Variants in RBFOX1 observed in about 807,000 individuals in gnomAD.
RBFOX1 encodes the protein RNA binding fox-1 homolog 1.
RBFOX1 carries 8 observed loss-of-function variants against 57.7 expected under a neutral mutation model. The ratio of observed to expected loss-of-function variants is 0.14; its 90% CI spans 0.08 to 0.25. RBFOX1 has a LOEUF of 0.25. Among genes scored for constraint, RBFOX1 ranks in the 10% least tolerant of loss-of-function variants. RBFOX1 has a pLI of 1.00. For synonymous variants in RBFOX1, 326 were observed against 222.4 expected (o/e 1.47, Z -4.15); for missense variants, 611 against 548.5 (o/e 1.11, Z -1.14).
intron 3 of RBFOX1, among the ~76,000 whole-genome samples, chr16:5,715,716 G>A (rs981132483): frequency 6.6e-6 from 1 of 152,204 alleles, no homozygotes; most frequent in African/African-American, 2.4e-5. Flanking sequence ...ATGTGCTGAG[G>A]TTGGGGGCAG....
At chr16:6,612,438 C>T (rs147773619) in intron 2 of RBFOX1, among the ~76,000 whole-genome samples, 89 of 152,220 alleles carry the variant, frequency 5.8e-4, no homozygotes, top group African/African-American at 1.8e-3. Context: ...TCTCTAATTA[C>T]GTATATTGAC....
chr16:5,928,700 TAAAA>T (rs760181311), intron 4 of RBFOX1, among the ~76,000 whole-genome samples: 9 of 105,824 alleles, frequency 8.5e-5, no homozygotes, highest in African/African-American at 7.3e-5. Context: ...TTCTGCCCAA[TAAAA>T]AAAAAAAAAA....
intron 3 of RBFOX1, among the ~76,000 whole-genome samples, chr16:5,619,452 A>G (rs2048139875): frequency 1.3e-5 from 2 of 152,138 alleles, no homozygotes; most frequent in Admixed American, 1.3e-4. Flanking sequence ...TTATGACCTC[A>G]TCTCTCGCCC....
intron 4 of RBFOX1, among the ~76,000 whole-genome samples, chr16:7,360,622 G>C (rs1410446029): frequency 6.6e-6 from 1 of 152,160 alleles, no homozygotes; most frequent in Non-Finnish European, 1.5e-5. Context: ...AAAGGCAAAG[G>C]AATTATCCCT....
At chr16:7,570,006 T>G (rs2092609256) in intron 5 of RBFOX1, among the ~76,000 whole-genome samples, 2 of 152,164 alleles carry the variant, frequency 1.3e-5, no homozygotes, top group African/African-American at 4.8e-5. Flanking sequence ...ATCAAGTATT[T>G]CCAATGACAA....
chr16:5,297,693 G>C (rs777577000), intron 1 of RBFOX1, among the ~76,000 whole-genome samples: 11 of 152,172 alleles, frequency 7.2e-5, no homozygotes, highest in Non-Finnish European at 1.3e-4. Context: ...CCCATAGGCT[G>C]TTTCTTCATT....
At chr16:6,824,435 C>T (rs76627137) in intron 3 of RBFOX1, among the ~76,000 whole-genome samples, 1 of 152,116 alleles carries the variant, frequency 6.6e-6, no homozygotes, top group East Asian at 1.9e-4. Context: ...ATCTTACTGT[C>T]AAGGCAACTC....
chr16:6,654,599 T>C lies in RBFOX1; in HGVS notation c.-63-4T>C. 4 of 1,506,620 alleles carry C rather than the reference T, an allele frequency of 2.7e-6. No individual in the cohort carries two copies. The highest frequency in any genetic ancestry group is 3.5e-6 in the Non-Finnish European group (4 of 1,135,520). The allele number at this position is 1,506,620 out of a possible 1,614,324, so 93.3% of individuals were successfully genotyped here. Reference sequence around the variant, plus strand: ...CACTTTCCTTTCTTTTCTTCTCTTCTCAGGATATCAAAGCAGACTGCAATA... The same window carrying C: ...CACTTTCCTTTCTTTTCTTCTCTTCCCAGGATATCAAAGCAGACTGCAATA... On this transcript the variant is annotated splice_polypyrimidine_tract_variant and splice_region_variant and intron_variant, in intron 2 of 15. Coordinates refer to ENST00000550418, the MANE Select transcript of RBFOX1 (RefSeq NM_018723.4).
At chr16:6,742,014 G>A (rs1368713765) in intron 3 of RBFOX1, among the ~76,000 whole-genome samples, 1 of 152,096 alleles carries the variant, frequency 6.6e-6, no homozygotes, top group Non-Finnish European at 1.5e-5. Context: ...AATTATAAGT[G>A]TGTGTGGTTC....
intron 3 of RBFOX1, among the ~76,000 whole-genome samples, chr16:6,834,607 G>C (rs1161604478): frequency 1.3e-5 from 2 of 152,132 alleles, no homozygotes; most frequent in Non-Finnish European, 2.9e-5. Context: ...GAAGGTGTTT[G>C]TTTGGGATGA....
chr16:6,382,190 A>C (rs1596381392), intron 2 of RBFOX1, among the ~76,000 whole-genome samples: 1 of 152,296 alleles, frequency 6.6e-6, no homozygotes, highest in Non-Finnish European at 1.5e-5. Flanking sequence ...CTTTTTCCCC[A>C]ACCATTTAAA....
chr16:7,451,510 C>T (rs1315801265), intron 4 of RBFOX1, among the ~76,000 whole-genome samples: 1 of 152,128 alleles, frequency 6.6e-6, no homozygotes, highest in Non-Finnish European at 1.5e-5. Context: ...CTTCATGTAT[C>T]AACTTATAAG....
At chr16:5,250,065 G>A (rs558985347) in intron 1 of RBFOX1, among the ~76,000 whole-genome samples, 3 of 151,686 alleles carry the variant, frequency 2.0e-5, no homozygotes, top group Admixed American at 2.0e-4. Flanking sequence ...TGAGGAGGAG[G>A]TTGCAGTGAG....
intron 4 of RBFOX1, among the ~76,000 whole-genome samples, chr16:5,899,235 A>T (rs1167857850): frequency 6.6e-6 from 1 of 152,130 alleles, no homozygotes; most frequent in Admixed American, 6.6e-5. Flanking sequence ...ACTGATGAGA[A>T]ATACAAACAC....
chr16:6,403,094 C>G (rs2093140926), intron 2 of RBFOX1, among the ~76,000 whole-genome samples: 1 of 151,876 alleles, frequency 6.6e-6, no homozygotes, highest in African/African-American at 2.4e-5. Flanking sequence ...GTGTGGAGGT[C>G]ATGAAGAGGA....
At chr16:6,027,934 C>T (rs984715617) in intron 1 of RBFOX1, among the ~76,000 whole-genome samples, 3 of 152,188 alleles carry the variant, frequency 2.0e-5, no homozygotes, top group Non-Finnish European at 4.4e-5. Flanking sequence ...CAGCCATATG[C>T]ATGGGCTCTG....
At chr16:6,685,532 C>T (rs906443719) in intron 3 of RBFOX1, among the ~76,000 whole-genome samples, 1 of 151,176 alleles carries the variant, frequency 6.6e-6, no homozygotes, top group South Asian at 2.1e-4. Context: ...CGGTGATCCG[C>T]GTTCCTCACT....
intron 4 of RBFOX1, among the ~76,000 whole-genome samples, chr16:7,284,809 T>A (rs1226474423): frequency 6.6e-6 from 1 of 152,210 alleles, no homozygotes; most frequent in Non-Finnish European, 1.5e-5. Flanking sequence ...GGGCAGTCAC[T>A]GGCTGAGTGT....
At chr16:6,244,260 A>G (rs2097556715) in intron 1 of RBFOX1, among the ~76,000 whole-genome samples, 2 of 151,332 alleles carry the variant, frequency 1.3e-5, no homozygotes, top group Admixed American at 6.6e-5. Flanking sequence ...GTGGCATGCC[A>G]TTTCCTGCAG....
Sources: gnomAD v4.1 joint callset for allele counts (sites outside exome capture counted in the v4.1 genomes callset) on GRCh38, gnomAD v4.1.1 for gene constraint, MANE v1.5 for transcripts, NCBI Gene and HGNC (gene_info 2026-07-23, HGNC 2026-07-21) for gene names.